KIAA1549L: variants seen among roughly 807,000 people sequenced by gnomAD.
The protein encoded by KIAA1549L is KIAA1549 like, also known as UPF0606 protein KIAA1549L.
A neutral mutation model predicts 160.7 loss-of-function variants in KIAA1549L; 88 were observed. That is an observed-to-expected ratio of 0.55 (90% CI 0.46 to 0.65). KIAA1549L has a LOEUF of 0.65. Ranked by LOEUF, KIAA1549L falls within the 30% of genes least tolerant of loss-of-function variation. KIAA1549L has a pLI of 0.00. For missense variants in KIAA1549L, 2,258 were observed against 2,437.5 expected (o/e 0.93, Z 1.55); for synonymous variants, 950 against 976.7 (o/e 0.97, Z 0.51).
intron 1 of KIAA1549L, among the ~76,000 whole-genome samples, chr11:33,428,305 G>GT (rs1382791621): frequency 2.0e-5 from 3 of 151,924 alleles, no homozygotes; most frequent in Non-Finnish European, 2.9e-5. Flanking sequence ...ATAATTTCCT[G>GT]TTTTTTTAAA....
At position 33,492,639 on chromosome 11, in the gene KIAA1549L, G is replaced by A. The variant is rs77495430; in HGVS notation, c.239-49163G>A. On this transcript the variant is annotated intron_variant, in intron 1 of 20. Coordinates refer to ENST00000658780, the MANE Select transcript of KIAA1549L (RefSeq NM_012194.3). ...CTTTTCAAACACTGGAACAATCTCCGAGACAATCAGAGATGTCAACAGCCT... is the reference window on the plus strand; with the variant it reads ...CTTTTCAAACACTGGAACAATCTCCAAGACAATCAGAGATGTCAACAGCCT... 4.5e-3 allele frequency among the ~76,000 whole-genome samples: 682 copies of A among 152,254 alleles called. 9 individuals are homozygous for A. Among genetic ancestry groups the A allele is most frequent in the African/African-American group, 0.016 (647 of 41,560 alleles).
At chr11:33,553,081 C>A (rs1419436552) in intron 6 of KIAA1549L, among the ~76,000 whole-genome samples, 2 of 152,120 alleles carry the variant, frequency 1.3e-5, no homozygotes, top group Admixed American at 1.3e-4. Context: ...GGGAAAGCGT[C>A]CCCTGTAGGG....
At position 33,506,599 on chromosome 11, in the gene KIAA1549L, CT is replaced by C. The variant is rs143617927; in HGVS notation, c.239-35202del. Among the ~76,000 whole-genome samples the C allele has an allele frequency of 1.3e-3, 194 of 151,728 alleles. 4 individuals are homozygous for C. The highest frequency in any genetic ancestry group is 4.5e-3 in the African/African-American group (187 of 41,362). On this transcript the variant is annotated intron_variant, in intron 1 of 20. Transcript: ENST00000658780. ...GAACTGGGCATGGTGGCATTTAGTC[CT>C]AGCTACTTGGGAGGCTGAGGTGGGA...
intron 14 of KIAA1549L, among the ~76,000 whole-genome samples, chr11:33,607,597 A>T (rs1476600385): frequency 6.6e-6 from 1 of 152,152 alleles, no homozygotes; most frequent in Non-Finnish European, 1.5e-5. Context: ...ACAAGCTCTT[A>T]ATTTTTCTCT....
At chr11:33,447,341 A>G (rs1003584002) in intron 1 of KIAA1549L, among the ~76,000 whole-genome samples, 4 of 152,184 alleles carry the variant, frequency 2.6e-5, no homozygotes, top group South Asian at 2.1e-4. Context: ...GAATGATGCA[A>G]TGATGGTTTA....
Position 33,574,872 on chromosome 11 carries a change from C to T in KIAA1549L, c.4401C>T (p.Asp1467=). The T allele has an allele frequency of 6.2e-7, 1 of 1,611,974 alleles. No individual in the cohort carries two copies. The highest frequency in any genetic ancestry group is 1.3e-5 in the African/African-American group (1 of 74,950). The change falls in exon 10 of 21, where the codon GAC becomes GAT. Residue 1467 remains aspartate, a splice_region_variant and synonymous_variant. Transcript: ENST00000658780. ...ATCACGTTGTCCTTCTGCAAGCTGA[C>T]CGTAAGGGAATGGTCTTTTTATTCA... is the stretch of plus-strand genomic sequence containing the variant. ...TLHHVVLLQA[D]PVVKNPPNNL... is the part of the protein sequence containing the mutation.
chr11:33,422,318 A>G (rs1851030198), intron 1 of KIAA1549L, among the ~76,000 whole-genome samples: 1 of 152,020 alleles, frequency 6.6e-6, no homozygotes, highest in African/African-American at 2.4e-5. Context: ...CTTCCCCAAT[A>G]CATTGTATTC....
chr11:33,635,978 A>G (rs1851426364), intron 16 of KIAA1549L, among the ~76,000 whole-genome samples: 1 of 152,188 alleles, frequency 6.6e-6, no homozygotes, highest in Non-Finnish European at 1.5e-5. Context: ...TACGTTTTAA[A>G]TTGTGTGCCA....
intron 16 of KIAA1549L, among the ~76,000 whole-genome samples, chr11:33,641,572 GTATATATATATATATATATATATA>G (rs10523183): frequency 0.026 from 2,486 of 96,618 alleles, 77 homozygotes; most frequent in Admixed American, 0.049. Context: ...TAATGGATCT[GTATATATATATATATATATATATA>G]TATATATATA....
intron 11 of KIAA1549L, among the ~76,000 whole-genome samples, chr11:33,586,755 T>TA (rs1849890423): frequency 6.6e-6 from 1 of 152,172 alleles, no homozygotes; most frequent in South Asian, 2.1e-4. Context: ...ACCTATAGGA[T>TA]AACTTACCCA....
chr11:33,406,507 G>T (rs1850656047), intron 1 of KIAA1549L, among the ~76,000 whole-genome samples: 1 of 152,194 alleles, frequency 6.6e-6, no homozygotes, highest in African/African-American at 2.4e-5. Context: ...CCTCTCTTAG[G>T]GACAGGTGGA....
At chr11:33,563,950 G>T (rs1267370635) in intron 8 of KIAA1549L, among the ~76,000 whole-genome samples, 1 of 151,994 alleles carries the variant, frequency 6.6e-6, no homozygotes, top group Non-Finnish European at 1.5e-5. Context: ...CTCTATTTTG[G>T]TAACATAACC....
chr11:33,532,255 C>A (rs1853791314), intron 1 of KIAA1549L, among the ~76,000 whole-genome samples: 1 of 152,206 alleles, frequency 6.6e-6, no homozygotes, highest in African/African-American at 2.4e-5. Context: ...ATCCTGCCAA[C>A]TATGAGGCAT....
chr11:33,415,661 AC>A (rs1466731096), intron 1 of KIAA1549L, among the ~76,000 whole-genome samples: 1 of 152,140 alleles, frequency 6.6e-6, no homozygotes, highest in Non-Finnish European at 1.5e-5. Context: ...CGGTCATTTT[AC>A]CTTCCTAAGT....
At chr11:33,478,672 C>A (rs559206072) in intron 1 of KIAA1549L, among the ~76,000 whole-genome samples, 18 of 152,262 alleles carry the variant, frequency 1.2e-4, no homozygotes, top group African/African-American at 4.3e-4. Flanking sequence ...CAGTTCAAGC[C>A]CTTCACTTGA....
chr11:33,660,157 G>A (rs922924682), intron 19 of KIAA1549L, among the ~76,000 whole-genome samples: 3 of 148,912 alleles, frequency 2.0e-5, no homozygotes, highest in African/African-American at 5.0e-5. Context: ...GGTGAGTACA[G>A]ACTCCACCCC....
At chr11:33,459,403 G>C (rs983738382) in intron 1 of KIAA1549L, among the ~76,000 whole-genome samples, 1 of 152,166 alleles carries the variant, frequency 6.6e-6, no homozygotes, top group Non-Finnish European at 1.5e-5. Context: ...TCCATTACTT[G>C]CCCTATCTGC....
chr11:33,561,887 G>T (rs1590345720), intron 8 of KIAA1549L, among the ~76,000 whole-genome samples, 152 bp downstream of exon 8: 2 of 152,036 alleles, frequency 1.3e-5, no homozygotes, highest in African/African-American at 4.8e-5. Context: ...AAGTGAATGG[G>T]GTAAGCTGAG....
At chr11:33,544,727 T>TC in intron 2 of KIAA1549L, 40 bp from the exon 3 acceptor site, 2 of 1,549,892 alleles carry the variant, frequency 1.3e-6, no homozygotes, top group Non-Finnish European at 1.7e-6. Context: ...ACACGTGCAT[T>TC]CCAAGCCAAT....
Sources: gnomAD v4.1 joint callset for allele counts (sites outside exome capture counted in the v4.1 genomes callset) on GRCh38, gnomAD v4.1.1 for gene constraint, MANE v1.5 for transcripts, NCBI Gene and HGNC (gene_info 2026-07-23, HGNC 2026-07-21) for gene names.